Variants in ROBO1 observed in about 807,000 individuals in gnomAD.
ROBO1 encodes the protein roundabout guidance receptor 1, also known as roundabout homolog 1.
In ROBO1, 149 loss-of-function variants were observed where a neutral mutation model predicts 195.9. That is an observed-to-expected ratio of 0.76 (90% CI 0.67 to 0.87). ROBO1 has a LOEUF of 0.87. Among genes scored for constraint, ROBO1 ranks in the 40% least tolerant of loss-of-function variants. The pLI is 0.00. For synonymous variants in ROBO1, 816 were observed against 733.2 expected (o/e 1.11, Z -1.82); for missense variants, 1,933 against 2,068.3 (o/e 0.93, Z 1.27).
chr3:79,369,054 T>C (rs1286631634), intron 2 of ROBO1, among the ~76,000 whole-genome samples: 1 of 152,174 alleles, frequency 6.6e-6, no homozygotes, highest in Non-Finnish European at 1.5e-5. Flanking sequence ...GTTCATATGA[T>C]AACATTCACA....
At chr3:79,529,044 T>A (rs1235797488) in intron 2 of ROBO1, among the ~76,000 whole-genome samples, 1 of 152,242 alleles carries the variant, frequency 6.6e-6, no homozygotes, top group South Asian at 2.1e-4. Context: ...GCAATACTTT[T>A]TGTTAGTTTA....
chr3:79,737,358 G>A (rs1184435736), intron 1 of ROBO1, among the ~76,000 whole-genome samples: 2 of 152,120 alleles, frequency 1.3e-5, no homozygotes, highest in East Asian at 1.9e-4. Context: ...AAATATGCAC[G>A]TTAGAATCCT....
intron 2 of ROBO1, among the ~76,000 whole-genome samples, chr3:79,519,980 A>G (rs75785291): frequency 0.014 from 2,115 of 152,088 alleles, 48 homozygotes; most frequent in African/African-American, 0.049. Flanking sequence ...GCAATAGGAA[A>G]AGCCCCGCTG....
At chr3:79,569,648 T>C (rs1328015232) in intron 2 of ROBO1, among the ~76,000 whole-genome samples, 1 of 59,452 alleles carries the variant, frequency 1.7e-5, no homozygotes, top group East Asian at 4.0e-4. Context: ...TATAGATATG[T>C]GTGTGTGTGT....
At chr3:79,497,496 C>A (rs1939813195) in intron 2 of ROBO1, among the ~76,000 whole-genome samples, 1 of 152,032 alleles carries the variant, frequency 6.6e-6, no homozygotes, top group Admixed American at 6.6e-5. Context: ...GAAATCAGAG[C>A]AACATTCACA....
intron 2 of ROBO1, among the ~76,000 whole-genome samples, chr3:79,586,324 A>G (rs1434444332): frequency 1.3e-5 from 2 of 151,936 alleles, no homozygotes; most frequent in Non-Finnish European, 2.9e-5. Context: ...AGCTCTTTTC[A>G]GTTATCTTTT....
intron 4 of ROBO1, among the ~76,000 whole-genome samples, chr3:78,918,676 T>C (rs1274330027): frequency 6.6e-6 from 1 of 152,104 alleles, no homozygotes; most frequent in Non-Finnish European, 1.5e-5. Context: ...TTTCTTAAAA[T>C]TTCCAAGTTT....
At chr3:78,834,253 G>A (rs544452356) in intron 4 of ROBO1, among the ~76,000 whole-genome samples, 1 of 151,764 alleles carries the variant, frequency 6.6e-6, no homozygotes, top group African/African-American at 2.4e-5. Context: ...TCCTAATAAA[G>A]AGGAGAGAAA....
At chr3:78,987,142 T>G (rs1038529310) in intron 3 of ROBO1, among the ~76,000 whole-genome samples, 4 of 150,654 alleles carry the variant, frequency 2.7e-5, no homozygotes, top group East Asian at 1.9e-4. Flanking sequence ...TTTTTTTTTT[T>G]TGTGCCATAA....
chr3:79,004,182 G>A (rs2077569709), intron 3 of ROBO1, among the ~76,000 whole-genome samples: 1 of 152,048 alleles, frequency 6.6e-6, no homozygotes, highest in Non-Finnish European at 1.5e-5. Context: ...TCTACCACAA[G>A]TTGTTCCAAG....
At chr3:79,513,291 C>G (rs1056592367) in intron 2 of ROBO1, among the ~76,000 whole-genome samples, 39 of 151,678 alleles carry the variant, frequency 2.6e-4, no homozygotes, top group African/African-American at 9.2e-4. Flanking sequence ...CTTAAAATAA[C>G]TAAACTATGT....
intron 1 of ROBO1, among the ~76,000 whole-genome samples, chr3:79,726,866 G>A (rs954606654): frequency 6.6e-6 from 1 of 152,124 alleles, no homozygotes; most frequent in African/African-American, 2.4e-5. Flanking sequence ...ATATGTGAGG[G>A]GAATGGGGGA....
intron 4 of ROBO1, among the ~76,000 whole-genome samples, chr3:78,851,450 T>C (rs2034060251): frequency 6.6e-6 from 1 of 152,224 alleles, no homozygotes; most frequent in African/African-American, 2.4e-5. Flanking sequence ...GTCGGGACTC[T>C]AACTAACCAG....
chr3:79,676,887 C>A (rs1038065713), intron 1 of ROBO1, among the ~76,000 whole-genome samples: 3 of 152,012 alleles, frequency 2.0e-5, no homozygotes, highest in Non-Finnish European at 4.4e-5. Flanking sequence ...TACTTAGGAT[C>A]CAAATCATAT....
At chr3:79,235,212 A>T (rs1212413796) in intron 2 of ROBO1, among the ~76,000 whole-genome samples, 1 of 149,592 alleles carries the variant, frequency 6.7e-6, no homozygotes, top group Non-Finnish European at 1.5e-5. Flanking sequence ...TTTCAAATTT[A>T]TAAAATTATA....
chr3:78,695,752 T>A (rs2081275689), intron 8 of ROBO1, among the ~76,000 whole-genome samples: 1 of 151,358 alleles, frequency 6.6e-6, no homozygotes, highest in Admixed American at 6.6e-5. Flanking sequence ...TGGAGAGGAG[T>A]CTATCTTGAA....
intron 3 of ROBO1, among the ~76,000 whole-genome samples, chr3:79,120,006 A>G (rs778460114): frequency 3.9e-5 from 6 of 152,130 alleles, no homozygotes; most frequent in South Asian, 2.1e-4. Flanking sequence ...TCCTGACCCA[A>G]TGTAATCCAT....
chr3:79,191,404 G>C (rs2081537025), intron 2 of ROBO1, among the ~76,000 whole-genome samples: 1 of 151,302 alleles, frequency 6.6e-6, no homozygotes, highest in Non-Finnish European at 1.5e-5. Flanking sequence ...AGTTCTTAAG[G>C]GGGAAATGTG....
intron 2 of ROBO1, among the ~76,000 whole-genome samples, chr3:79,372,577 T>C (rs2036238082): frequency 6.6e-6 from 1 of 152,004 alleles, no homozygotes; most frequent in South Asian, 2.1e-4. Context: ...TCTCTCTCTT[T>C]CTCTGCCTTC....
Sources: gnomAD v4.1 joint callset for allele counts (sites outside exome capture counted in the v4.1 genomes callset) on GRCh38, gnomAD v4.1.1 for gene constraint, MANE v1.5 for transcripts, NCBI Gene and HGNC (gene_info 2026-07-23, HGNC 2026-07-21) for gene names.